The following ATP10A variants were observed in gnomAD, a reference collection of about 807,000 sequenced individuals.
ATP10A encodes ATPase phospholipid transporting 10A (putative), also known as phospholipid-transporting ATPase VA.
Under a neutral mutation model 147.8 loss-of-function variants are expected in ATP10A, and 111 were observed. That is an observed-to-expected ratio of 0.75 (90% confidence interval 0.64 to 0.88). ATP10A has a LOEUF of 0.88. Among genes scored for constraint, ATP10A ranks in the 40% least tolerant of loss-of-function variants. The pLI is 0.00. For missense variants in ATP10A, 1,927 were observed against 1,959.0 expected (o/e 0.98, Z 0.31); for synonymous variants, 875 against 841.6 (o/e 1.04, Z -0.69).
chr15:25,781,595 T>C (rs1413276104), intron 1 of ATP10A, among the ~76,000 whole-genome samples: 3 of 151,626 alleles, frequency 2.0e-5, no homozygotes, highest in African/African-American at 7.3e-5. Context: ...GCAGAGGTTG[T>C]AGTGAGCTGA....
At chr15:25,864,512 C>G (rs144831315), upstream of ATP10A, among the ~76,000 whole-genome samples, 2 of 152,324 alleles carry the variant, frequency 1.3e-5, no homozygotes, top group East Asian at 3.9e-4. Context: ...AGCACCCTGG[C>G]TTACCCGGCT....
chr15:25,833,155 G>T (rs1321435937), intron 1 of ATP10A, among the ~76,000 whole-genome samples: 1 of 151,678 alleles, frequency 6.6e-6, no homozygotes, highest in Non-Finnish European at 1.5e-5. Flanking sequence ...GGTGATTTTT[G>T]CATTTTTAGT....
chr15:25,790,523 G>A (rs1243199114), intron 1 of ATP10A, among the ~76,000 whole-genome samples: 2 of 152,188 alleles, frequency 1.3e-5, no homozygotes, highest in Admixed American at 6.5e-5. Context: ...TTAGAATGAA[G>A]AAAGGATGCA....
chr15:25,864,986 G>GC (rs1567442561), upstream of ATP10A: 3 of 150,478 alleles, frequency 2.0e-5, no homozygotes, highest in Non-Finnish European at 4.5e-5. Flanking sequence ...TGTTGCCAAA[G>GC]TAATTACCGC....
At chr15:25,680,650 G>A (rs1899352743) in intron 19 of ATP10A, among the ~76,000 whole-genome samples, 160 bp downstream of exon 19, 1 of 152,164 alleles carries the variant, frequency 6.6e-6, no homozygotes, top group African/African-American at 2.4e-5. Flanking sequence ...CACACCACAG[G>A]GCTCGGGAAT....
intron 14 of ATP10A, among the ~76,000 whole-genome samples, chr15:25,694,444 C>T (rs905488386): frequency 2.6e-5 from 4 of 152,186 alleles, no homozygotes; most frequent in Non-Finnish European, 2.9e-5. Context: ...GAAGCAGCTG[C>T]AAAGGACCTT....
In ATP10A at chr15:25,784,969, C is replaced by T. The variant is rs143355051; in HGVS notation, c.450-3746G>A. ...AAAGGCCCTGCAGTCCATGGGAATC[C>T]CTACCAGGGACAGACCCTGGAAGAC... On this transcript the variant is annotated intron_variant, in intron 1 of 20. Transcript: ENST00000555815. 1.6e-3 allele frequency among the ~76,000 whole-genome samples: 237 copies of T among 151,814 alleles called. 2 individuals are homozygous for T. The highest frequency in any genetic ancestry group is 5.6e-3 in the African/African-American group (233 of 41,430).
intron 17 of ATP10A, among the ~76,000 whole-genome samples, chr15:25,682,246 C>G (rs2062354): frequency 2.0e-5 from 3 of 151,628 alleles, no homozygotes; most frequent in Non-Finnish European, 4.4e-5. Flanking sequence ...TTCTTAAGAG[C>G]GAGTCTTCAC....
At chr15:25,791,996 T>A (rs1175652367) in intron 1 of ATP10A, among the ~76,000 whole-genome samples, 1 of 150,100 alleles carries the variant, frequency 6.7e-6, no homozygotes, top group Non-Finnish European at 1.5e-5. Flanking sequence ...GTGCAGAGTA[T>A]TTTTTTTTTA....
intron 2 of ATP10A, among the ~76,000 whole-genome samples, chr15:25,739,032 C>T (rs1417050709): frequency 6.6e-6 from 1 of 152,146 alleles, no homozygotes; most frequent in Non-Finnish European, 1.5e-5. Flanking sequence ...AAATGTGTAA[C>T]AGATTCTATA....
rs897301232 is a variant in ATP10A at position 25,848,863 on chromosome 15, G to A, written c.449+13785C>T. The stretch of plus-strand genomic sequence containing the variant: ...CCTAAGGGAGGGCAGTAGCTCCAGG[G>A]ATGTTTTACAATTTAAGTTCTATTA... On this transcript the variant is annotated intron_variant, in intron 1 of 20. Coordinates refer to ENST00000555815, the MANE Select transcript of ATP10A (RefSeq NM_024490.4). 2.3e-4 allele frequency: 35 copies of A among 153,880 alleles called. No individual in the cohort carries two copies. The South Asian group carries it at 3.7e-3, about 16-fold the overall frequency. The allele number at this position is 153,880 out of a possible 1,614,324, so 9.5% of individuals were successfully genotyped here.
intron 1 of ATP10A, among the ~76,000 whole-genome samples, chr15:25,853,640 C>A (rs999958439): frequency 6.6e-6 from 1 of 152,020 alleles, no homozygotes; most frequent in African/African-American, 2.4e-5. Context: ...CAGATGAGAC[C>A]CCTGACCCCT....
rs766840564 is a variant in ATP10A at position 25,736,119 on chromosome 15, G to A, written c.677C>T (p.Thr226Met). 6.2e-6 allele frequency: 10 copies of A among 1,612,964 alleles called. No homozygotes were observed. The highest frequency in any genetic ancestry group is 4.4e-5 in the South Asian group (4 of 91,018). ...SELVSEFNPL[T>M]FTSVIECEKP... The stretch of plus-strand genomic sequence containing the variant: ...CTCGCATTCGATCACGCTGGTGAAC[G>A]TCAAAGGATTGAATTCGGAGACCTA... Residue 226 changes from threonine (T) to methionine (M), a missense_variant, in exon 3 of 21, where the codon ACG (threonine) becomes ATG (methionine). By Grantham distance (81) the Thr-to-Met change is moderately conservative. Transcript: ENST00000555815.
At chr15:25,803,755 C>T (rs1455271913) in intron 1 of ATP10A, among the ~76,000 whole-genome samples, 1 of 152,190 alleles carries the variant, frequency 6.6e-6, no homozygotes, top group Non-Finnish European at 1.5e-5. Flanking sequence ...CTGAGAATGA[C>T]ACCCAGTCTT....
At position 25,718,375 on chromosome 15, in the gene ATP10A, T is replaced by G. The variant is rs574703767; in HGVS notation, c.1388A>C (p.Glu463Ala). The G allele has an allele frequency of 6.2e-7, 1 of 1,606,120 alleles. No homozygotes were observed. Among genetic ancestry groups the G allele is most frequent in the East Asian group, 2.2e-5 (1 of 44,748 alleles). Residue 463 changes from glutamate (E) to alanine (A), a missense_variant, in exon 8 of 21, where the codon GAG becomes GCG. Physicochemically the swap from Glu to Ala is moderately radical, Grantham distance 107 (BLOSUM62 -1). Coordinates refer to ENST00000555815, the MANE Select transcript of ATP10A (RefSeq NM_024490.4). The stretch of plus-strand genomic sequence containing the variant: ...CACCTCCTCCTCCTCCGAGTCTGCC[T>G]CTTGGTACCTGGCCAGACGCTGCGC... The part of the protein sequence containing the change: ...ANAQRLARYQ[E>A]ADSEEEEVVP...
chr15:25,805,358 C>T (rs772845910), intron 1 of ATP10A, among the ~76,000 whole-genome samples: 1 of 152,222 alleles, frequency 6.6e-6, no homozygotes, highest in South Asian at 2.1e-4. Context: ...AGAGATGCTG[C>T]CTTCATTGTT....
intron 2 of ATP10A, among the ~76,000 whole-genome samples, chr15:25,752,467 G>A (rs1289728306): frequency 6.6e-6 from 1 of 152,162 alleles, no homozygotes; most frequent in African/African-American, 2.4e-5. Context: ...AGCAGAGAGT[G>A]GAATTGTGGT....
intron 10 of ATP10A, chr15:25,709,300 C>T (rs1052177056): frequency 4.6e-5 from 7 of 152,138 alleles, no homozygotes; most frequent in Non-Finnish European, 5.9e-5. Context: ...TTACATTTCC[C>T]GAAAGGATGA....
chr15:25,735,014 TGGG>T (rs1567343548), intron 3 of ATP10A, among the ~76,000 whole-genome samples: 2 of 12,228 alleles, frequency 1.6e-4, no homozygotes, highest in Non-Finnish European at 3.6e-4. Context: ...GGGGGGGGGG[TGGG>T]GGGGTGGGGG....
Sources: allele counts gnomAD v4.1 joint callset (sites outside exome capture counted in the v4.1 genomes callset), GRCh38; gene constraint gnomAD v4.1.1; transcripts MANE v1.5; gene names NCBI Gene and HGNC (gene_info 2026-07-23, HGNC 2026-07-21).